Variants in ZNF480 observed in about 807,000 individuals in gnomAD.
The protein encoded by ZNF480 is zinc finger protein 480.
A neutral mutation model predicts 14.4 loss-of-function variants in ZNF480; 15 were observed. The ratio of observed to expected loss-of-function variants is 1.04; its 90% CI spans 0.70 to 1.60. The LOEUF is 1.60. Ranked by LOEUF, ZNF480 falls within the 40% of genes most tolerant of loss-of-function variation. The probability of loss-of-function intolerance (pLI) is 0.00; values close to 1 mark genes in which losing one functional copy is unlikely to be tolerated. For missense variants in ZNF480, 593 were observed against 629.7 expected, an observed-to-expected ratio of 0.94 and a Z score of 0.62; for synonymous variants, 218 against 215.5, an observed-to-expected ratio of 1.01 and a Z score of -0.10.
chr19:52,310,684 T>A (rs1983228217), intron 2 of ZNF480, among the ~76,000 whole-genome samples: 1 of 152,102 alleles, frequency 6.6e-6, no homozygotes, highest in Non-Finnish European at 1.5e-5. Flanking sequence ...TCCTTGTTTT[T>A]AATTATCTAG....
At chr19:52,300,676 G>A (rs1982648298) in intron 2 of ZNF480, 192 bp downstream of exon 2, 1 of 912,016 alleles carries the variant, frequency 1.1e-6, no homozygotes, top group Non-Finnish European at 1.6e-6. Flanking sequence ...AGGAATTAAA[G>A]ACACAGACAC....
intron 2 of ZNF480, among the ~76,000 whole-genome samples, chr19:52,302,861 GTGTC>G (rs1982761709): frequency 6.6e-6 from 1 of 152,196 alleles, no homozygotes; most frequent in African/African-American, 2.4e-5. Flanking sequence ...AATTGTGAAA[GTGTC>G]TGGCATTAGA....
chr19:52,308,330 C>T (rs375637770), intron 2 of ZNF480, among the ~76,000 whole-genome samples: 222 of 143,724 alleles, frequency 1.5e-3, no homozygotes, highest in Admixed American at 2.8e-3. Flanking sequence ...TTTTTGAGAC[C>T]GAGTCTTGCT....
chr19:52,319,811 G>GTTT (rs56151161), intron 4 of ZNF480, among the ~76,000 whole-genome samples: 52 of 96,844 alleles, frequency 5.4e-4, no homozygotes, highest in Middle Eastern at 5.8e-3. Context: ...CTGATACTGT[G>GTTT]TTTTTTTTTT....
chr19:52,319,068 T>C (rs1294661726), intron 4 of ZNF480, among the ~76,000 whole-genome samples: 1 of 152,094 alleles, frequency 6.6e-6, no homozygotes, highest in Non-Finnish European at 1.5e-5. Flanking sequence ...TTCACCACGT[T>C]AGTCAGTCTG....
At chr19:52,318,194 C>T (rs1282501354) in intron 4 of ZNF480, among the ~76,000 whole-genome samples, 2 of 151,938 alleles carry the variant, frequency 1.3e-5, no homozygotes, top group Non-Finnish European at 2.9e-5. Flanking sequence ...GGTACCTGCG[C>T]CTCCCAGGTT....
Position 52,315,951 on chromosome 19 carries a change from G to T in ZNF480, c.317G>T (p.Gly106Val), listed in dbSNP as rs758662532. The T allele has an allele frequency of 2.4e-5, 38 of 1,609,554 alleles. No individual in the cohort carries two copies. In the East Asian group the frequency reaches 8.5e-4, roughly 36 times the overall value. Residue 106 changes from glycine (G) to valine (V), a missense_variant, in exon 4 of 5, where the codon GGT (glycine) becomes GTT (valine). Physicochemically the swap from Gly to Val is moderately radical, Grantham distance 109. Coordinates refer to ENST00000595962, the MANE Select transcript of ZNF480 (RefSeq NM_144684.4). ...KNSDGRECIK[G>V]VNTGSSYALG... The stretch of plus-strand genomic sequence containing the variant: ...TCAGATGGGAGGGAGTGCATCAAAG[G>T]TGTGAACACAGGTAAGAGCTCAGAT...
rs372121162 is a variant in ZNF480, at chr19:52,300,377, A to G, written c.-19-17A>G. On this transcript the variant is annotated splice_polypyrimidine_tract_variant and intron_variant, in intron 1 of 4. Transcript: ENST00000595962. ...GTGTTGATTCTAAGCCCTAAACAGC[A>G]TATTTTTGACATTTAGGATTGACTT... 1.2e-6 allele frequency: 2 copies of G among 1,610,808 alleles called. No homozygotes were observed. The highest frequency in any genetic ancestry group is 2.7e-5 in the African/African-American group (2 of 74,710).
chr19:52,313,593 G>A (rs558506617), intron 2 of ZNF480, among the ~76,000 whole-genome samples: 1 of 152,272 alleles, frequency 6.6e-6, no homozygotes, highest in South Asian at 2.1e-4. Flanking sequence ...CTTCTATAGA[G>A]ATAACCATGG....
chr19:52,311,720 C>T (rs887694585), intron 2 of ZNF480, among the ~76,000 whole-genome samples: 1 of 151,888 alleles, frequency 6.6e-6, no homozygotes, highest in African/African-American at 2.4e-5. Context: ...GAGGGAGAAA[C>T]ATTTGAGCCC....
intron 1 of ZNF480, 70 bp from the exon 2 acceptor site, chr19:52,300,324 G>C: frequency 1.3e-6 from 2 of 1,527,774 alleles, no homozygotes; most frequent in South Asian, 2.3e-5. Flanking sequence ...TCTAACCTGT[G>C]TGTGTGATTG....
intron 2 of ZNF480, chr19:52,301,595 A>G (rs321914): frequency 1 from 151,758 of 152,274 alleles, 75,628 homozygotes; most frequent in Middle Eastern, 1. Context: ...GCTAGTTTTC[A>G]GTCTGTGTTA....
At chr19:52,320,714 C>T (rs187780836) in intron 4 of ZNF480, among the ~76,000 whole-genome samples, 9 of 152,268 alleles carry the variant, frequency 5.9e-5, no homozygotes, top group Admixed American at 2.6e-4. Flanking sequence ...ATTGCTTGAA[C>T]CTGGAGGTGG....
chr19:52,300,736 G>C lies in ZNF480; in HGVS notation c.72+252G>C, dbSNP rs537308345. 3.3e-4 allele frequency: 195 copies of C among 597,312 alleles called. No individual in the cohort carries two copies. The African/African-American group carries it at 3.3e-3, about 10-fold the overall frequency. 37.0% of individuals were successfully genotyped at this position (597,312 alleles called of 1,614,324 possible). On this transcript the variant is annotated intron_variant, in intron 2 of 4. Coordinates refer to ENST00000595962, the MANE Select transcript of ZNF480 (RefSeq NM_144684.4). ...AGGGGCCAACAGCCTTCAGAGCTGAGAGCTGCGAACAGGGTTTGACCCACA... is the reference window on the plus strand; with the variant it reads ...AGGGGCCAACAGCCTTCAGAGCTGACAGCTGCGAACAGGGTTTGACCCACA...
intron 2 of ZNF480, among the ~76,000 whole-genome samples, chr19:52,311,528 T>G (rs922789468): frequency 7.9e-4 from 121 of 152,298 alleles, no homozygotes; most frequent in African/African-American, 2.9e-3. Context: ...AGTTCAACTT[T>G]CTGTGTTTTT....
intron 2 of ZNF480, among the ~76,000 whole-genome samples, chr19:52,310,739 G>T (rs1983232468): frequency 1.3e-5 from 2 of 151,848 alleles, no homozygotes; most frequent in African/African-American, 4.8e-5. Flanking sequence ...GGTGGCTCAT[G>T]CCTGTAATCC....
At chr19:52,297,328 C>G in intron 1 of ZNF480, 105 bp downstream of exon 1, 1 of 393,948 alleles carries the variant, frequency 2.5e-6, no homozygotes, top group South Asian at 1.8e-5. Context: ...CGCACCGCTC[C>G]CTCTACCCCG....
chr19:52,302,601 CAGGT>C (rs1357749921), intron 2 of ZNF480, among the ~76,000 whole-genome samples: 2 of 152,196 alleles, frequency 1.3e-5, no homozygotes, highest in South Asian at 2.1e-4. Context: ...CCTCGTTTGA[CAGGT>C]AGCCTAAACA....
rs950236603 is a variant in ZNF480, at chr19:52,303,870, C to A, written c.72+3386C>A. On this transcript the variant is annotated intron_variant, in intron 2 of 4. Transcript: ENST00000595962. ...TTCAATTGATCCTTATGGTTACTTT[C>A]TGTGGCACTACTGTAGTGTCATTTA... is the stretch of plus-strand genomic sequence containing the variant. 3.3e-5 allele frequency among the ~76,000 whole-genome samples: 5 copies of A among 152,298 alleles called. No individual in the cohort carries two copies. In the South Asian group the frequency reaches 1.0e-3, roughly 32 times the overall value.
Sources: gnomAD v4.1 joint callset for allele counts (sites outside exome capture counted in the v4.1 genomes callset) on GRCh38, gnomAD v4.1.1 for gene constraint, MANE v1.5 for transcripts, NCBI Gene and HGNC (gene_info 2026-07-23, HGNC 2026-07-21) for gene names.